Variants in CRTC1 observed in about 807,000 individuals in gnomAD.
CRTC1 encodes the protein CREB regulated transcription coactivator 1.
CRTC1 carries 18 observed loss-of-function variants against 66.1 expected under a neutral mutation model. The observed-to-expected ratio is 0.27, with a 90% CI of 0.19 to 0.40. The LOEUF (loss-of-function observed/expected upper bound fraction) is 0.40, where lower values mean the gene tolerates loss of function less well. CRTC1 is among the 10% of genes least tolerant of loss of function. The pLI is 1.00. For missense variants in CRTC1, 669 were observed against 887.9 expected (o/e 0.75, Z 3.13); for synonymous variants, 416 against 398.8 (o/e 1.04, Z -0.51).
At chr19:18,740,604 C>T (rs2145719086) in intron 1 of CRTC1, among the ~76,000 whole-genome samples, 1 of 152,354 alleles carries the variant, frequency 6.6e-6, no homozygotes, top group South Asian at 2.1e-4. Flanking sequence ...CTGCAGGTCA[C>T]CTCCCAGGAG....
intron 1 of CRTC1, among the ~76,000 whole-genome samples, chr19:18,708,615 C>A (rs2053317511): frequency 6.6e-6 from 1 of 152,118 alleles, no homozygotes; most frequent in Admixed American, 6.5e-5. Context: ...TGGGGCGGCA[C>A]TTGGGAGTTA....
rs78622227 is a variant in CRTC1 at position 18,749,231 on chromosome 19, A to G, written c.444-550A>G. 8.9e-3 allele frequency among the ~76,000 whole-genome samples: 1,356 copies of G among 152,284 alleles called. 24 individuals carry two copies. Among genetic ancestry groups the G allele is most frequent in the East Asian group, 0.04 (209 of 5,184 alleles). On this transcript the variant is annotated intron_variant, in intron 4 of 13. Transcript: ENST00000321949. ...TGGCTTCCCAACCACGGGGGCCTCT[A>G]AGTGGCTTCATTCCTTCCGGGGCCT...
intron 1 of CRTC1, among the ~76,000 whole-genome samples, chr19:18,738,381 A>G (rs1037366364): frequency 6.6e-6 from 1 of 152,118 alleles, no homozygotes; most frequent in African/African-American, 2.4e-5. Context: ...TTATACTTGG[A>G]TTTTTGGCCG....
intron 6 of CRTC1, among the ~76,000 whole-genome samples, chr19:18,756,136 C>T (rs1403540665): frequency 6.6e-6 from 1 of 152,004 alleles, no homozygotes; most frequent in Admixed American, 6.6e-5. Context: ...GGGTTTGACA[C>T]CAGCCTCGAC....
intron 1 of CRTC1, among the ~76,000 whole-genome samples, chr19:18,688,161 G>A (rs186238307): frequency 3.9e-5 from 6 of 152,260 alleles, no homozygotes; most frequent in Admixed American, 1.3e-4. Flanking sequence ...CAATGCATCC[G>A]AATGAAGCAG....
At position 18,771,123 on chromosome 19, in the gene CRTC1, CG is replaced by C. The variant is rs551488329; in HGVS notation, c.1321-318del. Among the ~76,000 whole-genome samples, 306 of 152,232 alleles carry C rather than the reference CG, an allele frequency of 2.0e-3. 2 individuals are homozygous for C. The highest frequency in any genetic ancestry group is 4.1e-3 in the Admixed American group (63 of 15,298). On this transcript the variant is annotated intron_variant, in intron 10 of 13. Transcript: ENST00000321949. The surrounding 1 kb of genome is among the most constrained non-coding windows in gnomAD (Gnocchi z 4.6). ...GGGTGTGCATGCATGAGAGTGCACA[CG>C]TTGCTATATGGCTCTGAGCCTGCTG... is the stretch of plus-strand genomic sequence containing the variant.
At chr19:18,715,995 GC>G (rs2082173308) in intron 1 of CRTC1, among the ~76,000 whole-genome samples, 1 of 152,192 alleles carries the variant, frequency 6.6e-6, no homozygotes, top group African/African-American at 2.4e-5. Flanking sequence ...GCAGCGGTTG[GC>G]GGGGGGGGTG....
At position 18,779,673 on chromosome 19, in the gene CRTC1, G is replaced by A. The variant is rs555276988; in HGVS notation, c.*2291G>A. On this transcript the variant is annotated 3_prime_UTR_variant, in exon 14 of 14. Transcript: ENST00000321949. ...GCCACTGCTTGTCCTCTGGTCTTCGGTGTGGACAGATAGGAGAGGAGGGAT... is the reference window on the plus strand; with the variant it reads ...GCCACTGCTTGTCCTCTGGTCTTCGATGTGGACAGATAGGAGAGGAGGGAT... The A allele has an allele frequency of 4.4e-6, 1 of 225,110 alleles. No homozygotes were observed. Among genetic ancestry groups the A allele is most frequent in the African/African-American group, 2.2e-5 (1 of 44,934 alleles). The allele number at this position is 225,110 out of a possible 1,614,324, so 13.9% of individuals were successfully genotyped here.
In CRTC1 at chr19:18,777,235, C is replaced by T. The variant is rs550831999; in HGVS notation, c.1758C>T (p.Asp586=). 2.4e-5 allele frequency: 38 copies of T among 1,611,406 alleles called. No homozygotes were observed. Among genetic ancestry groups the T allele is most frequent in the Middle Eastern group, 1.7e-4 (1 of 6,060 alleles). The change falls in exon 14 of 14, where the codon GAC becomes GAT. Residue 586 remains aspartate, a synonymous_variant. Coordinates refer to ENST00000321949, the MANE Select transcript of CRTC1 (RefSeq NM_015321.3). This position sits in a 1 kb window ranked among gnomAD's most constrained non-coding sequence, Gnocchi z 5.5. ...ELTSSLAGVG[D]VSFDSDSQFP... ...CCAGCTCTCTGGCCGGGGTCGGCGA[C>T]GTCAGCTTCGACTCCGACAGCCAGT...
chr19:18,761,410 G>A (rs1482302587), intron 8 of CRTC1, among the ~76,000 whole-genome samples: 1 of 152,144 alleles, frequency 6.6e-6, no homozygotes, highest in Non-Finnish European at 1.5e-5. Flanking sequence ...ATGCACTGGG[G>A]GTGGGGGTGA....
At position 18,683,693 on chromosome 19, in the gene CRTC1, C is replaced by T. The variant is rs1188720682; in HGVS notation, c.-10C>T. 5.0e-6 allele frequency: 7 copies of T among 1,389,378 alleles called. No individual in the cohort carries two copies. The highest frequency in any genetic ancestry group is 6.9e-5 in the East Asian group (2 of 28,786). 86.1% of individuals were successfully genotyped at this position (1,389,378 alleles called of 1,614,324 possible). The stretch of plus-strand genomic sequence containing the variant: ...GAGGAGGAGGAGGAGGAGGAGGTGG[C>T]GGCGAGAAGATGGCGACTTCGAACA... On this transcript the variant is annotated 5_prime_UTR_variant, in exon 1 of 14. Transcript: ENST00000321949.
At chr19:18,716,439 A>G (rs958921156) in intron 1 of CRTC1, among the ~76,000 whole-genome samples, 4 of 151,972 alleles carry the variant, frequency 2.6e-5, no homozygotes, top group Admixed American at 6.6e-5. Context: ...TTTAGTAGAG[A>G]TGGGGTTTCA....
rs775125073 is a variant in CRTC1, at chr19:18,759,962, C to G, written c.666-46C>G. 10 of 1,474,548 alleles carry G rather than the reference C, an allele frequency of 6.8e-6. No homozygotes were observed. The East Asian group carries it at 2.1e-4, about 30-fold the overall frequency. The allele number at this position is 1,474,548 out of a possible 1,614,324, so 91.3% of individuals were successfully genotyped here. ...CCAGCCCCCTGTCCCCGCCGCCAGC[C>G]CCGCCCCATGAGCTCACCTCCTGCC... On this transcript the variant is annotated intron_variant, in intron 7 of 13. Transcript: ENST00000321949.
At chr19:18,715,705 T>C (rs2053491828) in intron 1 of CRTC1, among the ~76,000 whole-genome samples, 1 of 152,112 alleles carries the variant, frequency 6.6e-6, no homozygotes, top group South Asian at 2.1e-4. Context: ...TGCTTTTGCT[T>C]TCGTCATTTG....
At position 18,779,427 on chromosome 19, in the gene CRTC1, A is replaced by G; in HGVS notation, c.*2045A>G. 1 of 219,858 alleles carries G rather than the reference A, an allele frequency of 4.5e-6. No homozygotes were observed. The highest frequency in any genetic ancestry group is 9.1e-6 in the Non-Finnish European group (1 of 110,380). 13.6% of individuals were successfully genotyped at this position (219,858 alleles called of 1,614,324 possible). A position where few individuals can be genotyped will look rare whatever the true frequency, so the allele number is the denominator to read the frequency against. Reference sequence around the variant, plus strand: ...CAGGTCAAGGTCCCTTTCTCTTACCATGACAGAGGCTGGGGGCAGACAGCG... The same window carrying G: ...CAGGTCAAGGTCCCTTTCTCTTACCGTGACAGAGGCTGGGGGCAGACAGCG... On this transcript the variant is annotated 3_prime_UTR_variant, in exon 14 of 14. Coordinates refer to ENST00000321949, the MANE Select transcript of CRTC1 (RefSeq NM_015321.3).
chr19:18,764,322 G>C (rs1273979243), intron 8 of CRTC1, among the ~76,000 whole-genome samples: 1 of 152,238 alleles, frequency 6.6e-6, no homozygotes, highest in Non-Finnish European at 1.5e-5. Context: ...CCTCACCAGG[G>C]CCTCACTTTG....
chr19:18,750,183 C>T (rs570342993), intron 5 of CRTC1, among the ~76,000 whole-genome samples: 14 of 152,306 alleles, frequency 9.2e-5, no homozygotes, highest in Non-Finnish European at 1.9e-4. Flanking sequence ...TCAAATGTAG[C>T]GGCAGCAAGC....
At position 18,743,038 on chromosome 19, in the gene CRTC1, G is replaced by C. The variant is rs776924441; in HGVS notation, c.243+12G>C. 1.3e-6 allele frequency: 2 copies of C among 1,581,650 alleles called. No individual in the cohort carries two copies. The highest frequency in any genetic ancestry group is 3.3e-5 in the Admixed American group (2 of 59,982). On this transcript the variant is annotated intron_variant, in intron 2 of 13. Transcript: ENST00000321949. ...ACCTGCCCTTCCAGGTGAGTGCCCC[G>C]CCCCCTGGCCCTGCCCCATTGTGGG...
rs1241683185 is a variant in CRTC1 at position 18,760,464 on chromosome 19, AG to A, written c.886+239del. Among the ~76,000 whole-genome samples the A allele has an allele frequency of 5.3e-5, 8 of 152,110 alleles. No individual in the cohort carries two copies. Among genetic ancestry groups the A allele is most frequent in the African/African-American group, 1.9e-4 (8 of 41,496 alleles). On this transcript the variant is annotated intron_variant, in intron 8 of 13. Coordinates refer to ENST00000321949, the MANE Select transcript of CRTC1 (RefSeq NM_015321.3). The surrounding 1 kb of genome is among the most constrained non-coding windows in gnomAD (Gnocchi z 6.2). ...CCCCAGACACCAGACAGTGGGTTTG[AG>A]GGTGTGTGATGGTGCTTTGGGGAGT...
Sources: allele counts gnomAD v4.1 joint callset (sites outside exome capture counted in the v4.1 genomes callset), GRCh38; gene constraint gnomAD v4.1.1; non-coding constraint Gnocchi (gnomAD v3.1); transcripts MANE v1.5; gene names NCBI Gene and HGNC (gene_info 2026-07-23, HGNC 2026-07-21).